TTC27: variants seen among roughly 807,000 people sequenced by gnomAD.
The protein encoded by TTC27 is tetratricopeptide repeat protein 27.
In TTC27, 79 loss-of-function variants were observed where a neutral mutation model predicts 115.9. That is an observed-to-expected ratio of 0.68 (90% CI 0.57 to 0.82). The LOEUF is 0.82. Ranked by LOEUF, TTC27 falls within the 40% of genes least tolerant of loss-of-function variation. The probability of loss-of-function intolerance (pLI) is 0.00; values close to 1 mark genes in which losing one functional copy is unlikely to be tolerated. For missense variants in TTC27, 1,054 were observed against 993.1 expected (o/e 1.06, Z -0.82); for synonymous variants, 401 against 356.0 (o/e 1.13, Z -1.42).
intron 3 of TTC27, among the ~76,000 whole-genome samples, chr2:32,638,985 A>C (rs1664531561): frequency 1.3e-5 from 2 of 151,900 alleles, no homozygotes; most frequent in South Asian, 4.1e-4. Context: ...GGCACCCACC[A>C]CCACGCCCGG....
chr2:32,722,157 T>A (rs189965745), intron 10 of TTC27, among the ~76,000 whole-genome samples: 13 of 152,316 alleles, frequency 8.5e-5, no homozygotes, highest in African/African-American at 3.1e-4. Flanking sequence ...CTGAACAACA[T>A]TGAGATAATT....
intron 9 of TTC27, among the ~76,000 whole-genome samples, chr2:32,690,802 G>A (rs1489930424): frequency 1.3e-5 from 2 of 152,182 alleles, no homozygotes; most frequent in Admixed American, 6.5e-5. Flanking sequence ...TAAACTTACT[G>A]TCATTTGGTA....
At chr2:32,818,482 G>A (rs138208685) in intron 19 of TTC27, among the ~76,000 whole-genome samples, 150 of 152,288 alleles carry the variant, frequency 9.8e-4, no homozygotes, top group Middle Eastern at 3.4e-3. Context: ...GGCCAGAGAT[G>A]CCTAAGAATC....
At chr2:32,644,772 T>G (rs1389913218) in intron 4 of TTC27, among the ~76,000 whole-genome samples, 1 of 151,848 alleles carries the variant, frequency 6.6e-6, no homozygotes, top group African/African-American at 2.4e-5. Context: ...TATTATAGAT[T>G]TTTCCTGTGG....
At chr2:32,671,449 A>G (rs1666013508) in intron 7 of TTC27, among the ~76,000 whole-genome samples, 1 of 152,092 alleles carries the variant, frequency 6.6e-6, no homozygotes, top group Non-Finnish European at 1.5e-5. Context: ...CTCTAATTTC[A>G]TTTATTGAAA....
intron 12 of TTC27, among the ~76,000 whole-genome samples, chr2:32,742,379 T>A (rs1469475818): frequency 2.6e-5 from 4 of 152,220 alleles, no homozygotes; most frequent in African/African-American, 9.6e-5. Context: ...TAAAGCCTGT[T>A]TTTAATTACT....
chr2:32,718,480 A>G (rs1290500236), intron 10 of TTC27, among the ~76,000 whole-genome samples: 2 of 152,174 alleles, frequency 1.3e-5, no homozygotes, highest in African/African-American at 4.8e-5. Context: ...TTTTATAGAT[A>G]CAGTATCTCA....
chr2:32,678,295 G>A (rs2151887776), intron 8 of TTC27, among the ~76,000 whole-genome samples: 1 of 149,670 alleles, frequency 6.7e-6, no homozygotes. Context: ...TTGACATTTA[G>A]TACACCAATC....
chr2:32,659,555 A>G (rs1335085245), intron 5 of TTC27, among the ~76,000 whole-genome samples: 1 of 151,878 alleles, frequency 6.6e-6, no homozygotes, highest in Non-Finnish European at 1.5e-5. Context: ...ATTTTATTAT[A>G]CTTTAAGTTC....
intron 3 of TTC27, 136 bp from the exon 4 acceptor site, chr2:32,640,134 T>C: frequency 1.3e-6 from 1 of 781,284 alleles, no homozygotes; most frequent in Non-Finnish European, 2.0e-6. Context: ...TTCTGTCCAG[T>C]GCCAATTGCT....
chr2:32,759,143 A>G (rs1669347244), intron 13 of TTC27, among the ~76,000 whole-genome samples: 1 of 152,232 alleles, frequency 6.6e-6, no homozygotes, highest in South Asian at 2.1e-4. Flanking sequence ...AGTTATCAGA[A>G]TGTTTTATTA....
chr2:32,755,356 G>A (rs1354315968), intron 12 of TTC27, among the ~76,000 whole-genome samples: 3 of 152,206 alleles, frequency 2.0e-5, no homozygotes, highest in African/African-American at 7.2e-5. Context: ...CAAGGCTGGC[G>A]GATCACTCGC....
At chr2:32,648,420 G>A (rs1165550410) in intron 4 of TTC27, among the ~76,000 whole-genome samples, 8 of 145,170 alleles carry the variant, frequency 5.5e-5, no homozygotes, top group African/African-American at 1.0e-4. Flanking sequence ...GTGAACCACT[G>A]CACCTGGCAC....
intron 9 of TTC27, among the ~76,000 whole-genome samples, chr2:32,701,908 AG>A: frequency 6.6e-6 from 1 of 151,652 alleles, no homozygotes. Context: ...CTACTCGGGT[AG>A]CTGAGGTGGG....
chr2:32,648,172 A>G (rs1320742315), intron 4 of TTC27, among the ~76,000 whole-genome samples: 1 of 151,564 alleles, frequency 6.6e-6, no homozygotes, highest in Non-Finnish European at 1.5e-5. Context: ...TTGTTGCCCA[A>G]GCTGGAGTGC....
intron 16 of TTC27, among the ~76,000 whole-genome samples, chr2:32,787,653 G>C (rs1426172794): frequency 6.6e-6 from 1 of 152,128 alleles, no homozygotes; most frequent in Non-Finnish European, 1.5e-5. Context: ...GAAAGTATGG[G>C]AGATTCAAAG....
Position 32,721,260 on chromosome 2 carries a change from G to A in TTC27, c.1234-12568G>A, listed in dbSNP as rs141548116. On this transcript the variant is annotated intron_variant, in intron 10 of 19. Coordinates refer to ENST00000317907, the MANE Select transcript of TTC27 (RefSeq NM_017735.5). ...ATTTAAGAATTTTTAAGAACAGGTCGCAATGAGGAGTCATTTAGTTGTAAG... is the reference window on the plus strand; with the variant it reads ...ATTTAAGAATTTTTAAGAACAGGTCACAATGAGGAGTCATTTAGTTGTAAG... Among the ~76,000 whole-genome samples the A allele has an allele frequency of 2.5e-4, 38 of 152,194 alleles. 1 individual carries two copies. The East Asian group carries it at 4.2e-3, about 17-fold the overall frequency.
chr2:32,763,861 A>T (rs763657016), intron 13 of TTC27, among the ~76,000 whole-genome samples: 8 of 152,172 alleles, frequency 5.3e-5, no homozygotes, highest in Non-Finnish European at 1.0e-4. Flanking sequence ...GGTTTGCGGG[A>T]TAGTGAAAGC....
At chr2:32,737,413 T>A (rs1468609873) in intron 12 of TTC27, among the ~76,000 whole-genome samples, 3 of 152,112 alleles carry the variant, frequency 2.0e-5, no homozygotes, top group South Asian at 4.2e-4. Context: ...ACTGACACAT[T>A]GAAATCATAT....
Sources: gnomAD v4.1 joint callset for allele counts (sites outside exome capture counted in the v4.1 genomes callset) on GRCh38, gnomAD v4.1.1 for gene constraint, MANE v1.5 for transcripts, NCBI Gene and HGNC (gene_info 2026-07-23, HGNC 2026-07-21) for gene names.